Variants in JPH3 observed in about 807,000 individuals in gnomAD.
JPH3 encodes the protein junctophilin 3.
JPH3 carries 11 observed loss-of-function variants against 59.6 expected under a neutral mutation model. The observed-to-expected ratio is 0.18, with a 90% CI of 0.12 to 0.31. JPH3 has a LOEUF of 0.31. JPH3 is among the 10% of genes least tolerant of loss of function. The pLI, the probability that JPH3 is intolerant of heterozygous loss-of-function variation, is 1.00. For synonymous variants in JPH3, 673 were observed against 483.6 expected, an observed-to-expected ratio of 1.39 and a Z score of -5.14; for missense variants, 1,202 against 1,105.7, an observed-to-expected ratio of 1.09 and a Z score of -1.24.
intron 3 of JPH3, among the ~76,000 whole-genome samples, chr16:87,688,350 C>T (rs892915202): frequency 6.6e-6 from 1 of 152,238 alleles, no homozygotes; most frequent in Non-Finnish European, 1.5e-5. Context: ...AGCAGCCCAG[C>T]CTGGTGGCGT....
At chr16:87,676,639 CA>C (rs928034686) in intron 2 of JPH3, among the ~76,000 whole-genome samples, 2 of 151,544 alleles carry the variant, frequency 1.3e-5, no homozygotes, top group South Asian at 2.1e-4. Flanking sequence ...GTGCCTGAGG[CA>C]GCAGAATCCC....
intron 2 of JPH3, among the ~76,000 whole-genome samples, chr16:87,670,529 C>G (rs2150866054): frequency 6.6e-6 from 1 of 152,378 alleles, no homozygotes; most frequent in South Asian, 2.1e-4. Context: ...TCCCCAGGCC[C>G]AGCCTCCTGT....
chr16:87,604,587 C>CA, intron 1 of JPH3: 1 of 1,227,598 alleles, frequency 8.1e-7, no homozygotes, highest in Non-Finnish European at 1.0e-6. Flanking sequence ...TGAGACGCAG[C>CA]AATGACTTGT....
chr16:87,679,096 G>A (rs1458101045), intron 2 of JPH3, among the ~76,000 whole-genome samples: 1 of 152,174 alleles, frequency 6.6e-6, no homozygotes, highest in Non-Finnish European at 1.5e-5. Context: ...CCTGGGCAGT[G>A]GGGCCCCCGT....
At chr16:87,647,176 C>T (rs142396462) in intron 2 of JPH3, among the ~76,000 whole-genome samples, 11 of 151,488 alleles carry the variant, frequency 7.3e-5, no homozygotes, top group East Asian at 2.0e-4. Flanking sequence ...GAGATGCCTA[C>T]GTATAAGTGG....
intron 2 of JPH3, among the ~76,000 whole-genome samples, chr16:87,675,049 A>G (rs1288274131): frequency 6.6e-6 from 1 of 152,166 alleles, no homozygotes; most frequent in Non-Finnish European, 1.5e-5. Context: ...CGTGTGAGCC[A>G]CAGCGCCTGG....
chr16:87,685,298 C>T (rs1021632672), intron 3 of JPH3, among the ~76,000 whole-genome samples: 3 of 152,256 alleles, frequency 2.0e-5, no homozygotes, highest in Non-Finnish European at 2.9e-5. Context: ...GCCCCCGCAC[C>T]CCCACCGCCT....
chr16:87,670,872 AG>A (rs71682260), intron 2 of JPH3, among the ~76,000 whole-genome samples: 54,584 of 151,310 alleles, frequency 0.36, 9,959 homozygotes, highest in Middle Eastern at 0.49. Flanking sequence ...TGGGGACGGG[AG>A]GGGGGTCAGG....
intron 2 of JPH3, among the ~76,000 whole-genome samples, chr16:87,648,070 C>T (rs747991010): frequency 6.6e-6 from 1 of 152,162 alleles, no homozygotes; most frequent in African/African-American, 2.4e-5. Context: ...CATCCTCCCC[C>T]AGCCCTGCTG....
intron 1 of JPH3, among the ~76,000 whole-genome samples, chr16:87,615,543 C>A (rs2030924211): frequency 6.6e-6 from 1 of 152,192 alleles, no homozygotes; most frequent in Non-Finnish European, 1.5e-5. Context: ...GAAAGCATGG[C>A]TCCCCCATTT....
rs951590911 is a variant in JPH3 at position 87,611,792 on chromosome 16, G to A, written c.382+8264G>A. 5.9e-5 allele frequency among the ~76,000 whole-genome samples: 9 copies of A among 152,208 alleles called. No homozygotes were observed. The highest frequency in any genetic ancestry group is 1.9e-4 in the African/African-American group (8 of 41,450). On this transcript the variant is annotated intron_variant, in intron 1 of 4. Transcript: ENST00000284262. The surrounding 1 kb of genome is among the most constrained non-coding windows in gnomAD (Gnocchi z 4.5). Reference sequence around the variant, plus strand: ...ATATTTCTTACAAATTTCAGGCGATGCTGAGGCTGCTGATCTGGGGACCTC... The same window carrying A: ...ATATTTCTTACAAATTTCAGGCGATACTGAGGCTGCTGATCTGGGGACCTC...
intron 2 of JPH3, among the ~76,000 whole-genome samples, chr16:87,679,115 C>T (rs1026483180): frequency 6.6e-6 from 1 of 152,220 alleles, no homozygotes; most frequent in Non-Finnish European, 1.5e-5. Context: ...GTGTGCCCAT[C>T]CCCCAGCTGG....
chr16:87,648,352 A>G lies in JPH3; in HGVS notation c.1160+3317A>G, dbSNP rs529791796. ...CCCAGGGCCAACCCTCCACTGGAGC[A>G]TGAGAGCGGCCGCACCACGTGGGCT... On this transcript the variant is annotated intron_variant, in intron 2 of 4. Transcript: ENST00000284262. 5.7e-3 allele frequency among the ~76,000 whole-genome samples: 871 copies of G among 152,272 alleles called. 6 individuals are homozygous for G. Among genetic ancestry groups the G allele is most frequent in the African/African-American group, 0.02 (834 of 41,554 alleles).
intron 1 of JPH3, chr16:87,604,514 A>G: frequency 1.5e-6 from 2 of 1,295,556 alleles, no homozygotes; most frequent in South Asian, 2.9e-5. Flanking sequence ...CCTCAGAGGC[A>G]CTGGGTCCTC....
At chr16:87,668,254 T>TG (rs1454728921) in intron 2 of JPH3, among the ~76,000 whole-genome samples, 1 of 152,100 alleles carries the variant, frequency 6.6e-6, no homozygotes, top group Non-Finnish European at 1.5e-5. Context: ...AGCCGGCACA[T>TG]GCGTCTGACA....
intron 1 of JPH3, among the ~76,000 whole-genome samples, chr16:87,624,638 T>G (rs998164439): frequency 6.6e-6 from 1 of 152,224 alleles, no homozygotes; most frequent in Non-Finnish European, 1.5e-5. Context: ...TTGGGCTGTT[T>G]CCACCTGGGG....
intron 2 of JPH3, among the ~76,000 whole-genome samples, chr16:87,667,875 C>T (rs910710103): frequency 6.6e-6 from 1 of 152,124 alleles, no homozygotes; most frequent in Non-Finnish European, 1.5e-5. Flanking sequence ...AAAACCCGTT[C>T]CTAGCTCCAG....
intron 1 of JPH3, among the ~76,000 whole-genome samples, chr16:87,640,987 C>T (rs765377345): frequency 1.3e-5 from 2 of 152,232 alleles, no homozygotes; most frequent in African/African-American, 2.4e-5. Flanking sequence ...CAGTTTCCTC[C>T]TCACAACCCC....
intron 4 of JPH3, chr16:87,695,929 G>T (rs1272835693): frequency 4.4e-6 from 2 of 455,968 alleles, no homozygotes; most frequent in Non-Finnish European, 8.8e-6. Context: ...CGGAGGCTGA[G>T]GACTTGTGAG....
Sources: gnomAD v4.1 joint callset for allele counts (sites outside exome capture counted in the v4.1 genomes callset) on GRCh38, gnomAD v4.1.1 for gene constraint, Gnocchi (gnomAD v3.1) non-coding constraint, MANE v1.5 for transcripts, NCBI Gene and HGNC (gene_info 2026-07-23, HGNC 2026-07-21) for gene names.